Variants in PCDHGA1 observed in about 807,000 individuals in gnomAD.
PCDHGA1 encodes protocadherin gamma subfamily A, 1.
PCDHGA1 carries 32 observed loss-of-function variants against 58.0 expected under a neutral mutation model. The observed-to-expected ratio is 0.55, with a 90% CI of 0.42 to 0.74. PCDHGA1 has a LOEUF of 0.74. Among genes scored for constraint, PCDHGA1 ranks in the 30% least tolerant of loss-of-function variants. The probability of loss-of-function intolerance (pLI) is 0.00; values close to 1 mark genes in which losing one functional copy is unlikely to be tolerated. For synonymous variants in PCDHGA1, 498 were observed against 501.1 expected (o/e 0.99, Z 0.08); for missense variants, 1,205 against 1,182.3 (o/e 1.02, Z -0.28).
At chr5:141,339,362 C>T (rs780923234) in intron 1 of PCDHGA1, 1 of 1,614,146 alleles carries the variant, frequency 6.2e-7, no homozygotes, top group African/African-American at 1.3e-5. Flanking sequence ...CGATAATGCC[C>T]CTCGCTTTGG....
intron 1 of PCDHGA1, among the ~76,000 whole-genome samples, chr5:141,444,885 T>C (rs547403761): frequency 6.6e-6 from 1 of 152,320 alleles, no homozygotes; most frequent in African/African-American, 2.4e-5. Flanking sequence ...TGTAGGATTT[T>C]TGAATGGGAT....
chr5:141,454,894 G>A (rs1371368633), intron 1 of PCDHGA1, among the ~76,000 whole-genome samples: 2 of 126,736 alleles, frequency 1.6e-5, no homozygotes, highest in Non-Finnish European at 3.1e-5. Context: ...TGCTAGCACC[G>A]CCTCCCGGGT....
intron 1 of PCDHGA1, chr5:141,357,272 T>A (rs1760529630): frequency 6.2e-7 from 1 of 1,613,654 alleles, no homozygotes; most frequent in Admixed American, 1.7e-5. Context: ...GGCCTCACAC[T>A]CTATCTCGTG....
At chr5:141,467,110 T>C (rs2099137137) in intron 1 of PCDHGA1, among the ~76,000 whole-genome samples, 1 of 151,604 alleles carries the variant, frequency 6.6e-6, no homozygotes, top group Non-Finnish European at 1.5e-5. Context: ...TGGAGTACAA[T>C]GGTGCAATCT....
At chr5:141,343,448 T>C (rs1588455917) in intron 1 of PCDHGA1, 5 of 880,716 alleles carry the variant, frequency 5.7e-6, no homozygotes, top group Non-Finnish European at 6.8e-6. Context: ...AAACACATTA[T>C]CAAGGTTCAG....
At chr5:141,366,100 G>A (rs1380197041) in intron 1 of PCDHGA1, 1 of 1,614,140 alleles carries the variant, frequency 6.2e-7, no homozygotes, top group Non-Finnish European at 8.5e-7. Flanking sequence ...TGGTGACCAA[G>A]GTGGTAGCGG....
chr5:141,449,040 C>A (rs1333983931), intron 1 of PCDHGA1, among the ~76,000 whole-genome samples: 2 of 152,126 alleles, frequency 1.3e-5, no homozygotes, highest in Non-Finnish European at 2.9e-5. Flanking sequence ...GGATTATTAA[C>A]CAGTCTCATA....
Position 141,423,508 on chromosome 5 carries a change from A to T in PCDHGA1, c.2422-71299A>T, listed in dbSNP as rs962526072. ...AACCTATTCCCACGAGGTCTCTCTCATTGCGGACTCGCAGAAGAGTCACCT... is the reference window on the plus strand; with the variant it reads ...AACCTATTCCCACGAGGTCTCTCTCTTTGCGGACTCGCAGAAGAGTCACCT... On this transcript the variant is annotated intron_variant, in intron 1 of 3. Coordinates refer to ENST00000517417, the MANE Select transcript of PCDHGA1 (RefSeq NM_018912.3). The T allele has an allele frequency of 9.9e-6, 16 of 1,613,742 alleles. No homozygotes were observed. The highest frequency in any genetic ancestry group is 1.6e-4 in the Middle Eastern group (1 of 6,084).
chr5:141,375,010 T>C (rs1771037027), intron 1 of PCDHGA1: 3 of 1,613,932 alleles, frequency 1.9e-6, no homozygotes, highest in Non-Finnish European at 1.7e-6. Context: ...ATCTAGACTA[T>C]GAGGACTCGA....
At chr5:141,475,046 T>C (rs1430484084) in intron 1 of PCDHGA1, among the ~76,000 whole-genome samples, 1 of 152,274 alleles carries the variant, frequency 6.6e-6, no homozygotes, top group African/African-American at 2.4e-5. Context: ...CTTTGTATTT[T>C]CTAAAGATTT....
At position 141,491,257 on chromosome 5, in the gene PCDHGA1, G is replaced by GAAAT. The variant is rs1562145331; in HGVS notation, c.2422-3549_2422-3546dup. On this transcript the variant is annotated intron_variant, in intron 1 of 3. Transcript: ENST00000517417. The surrounding 1 kb of genome is among the most constrained non-coding windows in gnomAD (Gnocchi z 6.9). ...GGTTCTGGAGGATGAGGACCCTGAG[G>GAAAT]AAATGCCCAAATCCAGTGACTTCCT... is the stretch of plus-strand genomic sequence containing the variant. 6.2e-7 allele frequency: 1 copy of GAAAT among 1,614,170 alleles called. No individual in the cohort carries two copies. Among genetic ancestry groups the GAAAT allele is most frequent in the East Asian group, 2.2e-5 (1 of 44,884 alleles).
At chr5:141,370,694 G>A (rs1213038173) in intron 1 of PCDHGA1, 20 of 1,613,794 alleles carry the variant, frequency 1.2e-5, no homozygotes, top group Non-Finnish European at 1.6e-5. Flanking sequence ...GCAAGAAGTC[G>A]ACGTGTGTTC....
rs70988800 is a variant in PCDHGA1 at position 141,379,889 on chromosome 5, C to CTTTTTTTTTTTTTTTT, written c.2421+46799_2421+46814dup. 2.0e-3 allele frequency among the ~76,000 whole-genome samples: 102 copies of CTTTTTTTTTTTTTTTT among 50,818 alleles called. 16 individuals carry two copies. The highest frequency in any genetic ancestry group is 2.6e-3 in the Non-Finnish European group (66 of 25,878). The allele number at this position is 50,818 out of a possible 152,430, so 33.3% of individuals were successfully genotyped here. On this transcript the variant is annotated intron_variant, in intron 1 of 3. Transcript: ENST00000517417. Reference sequence around the variant, plus strand: ...CTTATTTTATGGTCTGTGAAAGCCTCTTTTTTTTTTTTTTTTTTTTTTTTT... The same window carrying CTTTTTTTTTTTTTTTT: ...CTTATTTTATGGTCTGTGAAAGCCTCTTTTTTTTTTTTTTTTTTTTTTTTTTTTTTTTTTTTTTTTT...
At chr5:141,383,069 G>C (rs370612007) in intron 1 of PCDHGA1, 5 of 1,613,768 alleles carry the variant, frequency 3.1e-6, no homozygotes, top group Non-Finnish European at 3.4e-6. Flanking sequence ...CTGGAGCCCC[G>C]GGAGCTGGCG....
chr5:141,414,587 G>C (rs775783880), intron 1 of PCDHGA1: 3 of 1,613,828 alleles, frequency 1.9e-6, no homozygotes, highest in Admixed American at 3.3e-5. Context: ...AACAACGCCA[G>C]GGGTGCCTCC....
intron 1 of PCDHGA1, chr5:141,350,652 T>C (rs755738484): frequency 6.2e-7 from 1 of 1,614,044 alleles, no homozygotes. Flanking sequence ...CCACGTTTCG[T>C]TGCAAAAGGC....
At chr5:141,360,424 G>A (rs1561520496) in intron 1 of PCDHGA1, 6 of 1,613,958 alleles carry the variant, frequency 3.7e-6, no homozygotes, top group Non-Finnish European at 3.4e-6. Context: ...ACAGATATGC[G>A]GGAAGCAGCC....
At chr5:141,404,865 T>C (rs1308625182) in intron 1 of PCDHGA1, 12 of 1,613,552 alleles carry the variant, frequency 7.4e-6, no homozygotes, top group Non-Finnish European at 1.0e-5. Flanking sequence ...AGAGATGCGC[T>C]CAAACAGAGC....
chr5:141,414,408 C>A (rs1190630924), intron 1 of PCDHGA1: 1 of 1,613,752 alleles, frequency 6.2e-7, no homozygotes, highest in Non-Finnish European at 8.5e-7. Context: ...TGGTGATACA[C>A]AGAGCCCTTG....
Sources: allele counts gnomAD v4.1 joint callset (sites outside exome capture counted in the v4.1 genomes callset), GRCh38; gene constraint gnomAD v4.1.1; non-coding constraint Gnocchi (gnomAD v3.1); transcripts MANE v1.5; gene names NCBI Gene and HGNC (gene_info 2026-07-23, HGNC 2026-07-21).